Variants in GLIS3 observed in about 807,000 individuals in gnomAD.
GLIS3 encodes zinc finger protein GLIS3.
GLIS3 carries 53 observed loss-of-function variants against 78.6 expected under a neutral mutation model. The ratio of observed to expected loss-of-function variants is 0.67; its 90% CI spans 0.54 to 0.85. The LOEUF is 0.85. Ranked by LOEUF, GLIS3 falls within the 40% of genes least tolerant of loss-of-function variation. The pLI is 0.00. For missense variants in GLIS3, 1,703 were observed against 1,231.1 expected, an observed-to-expected ratio of 1.38 and a Z score of -5.74; for synonymous variants, 684 against 509.9, an observed-to-expected ratio of 1.34 and a Z score of -4.60.
chr9:4,478,046 C>T, the GLIS3 span, among the ~76,000 whole-genome samples: 3 of 152,110 alleles, frequency 2.0e-5, no homozygotes, highest in Non-Finnish European at 2.9e-5. Context: ...TTCCCATGAA[C>T]CGGAACCTGA....
intron 2 of GLIS3, among the ~76,000 whole-genome samples, chr9:4,343,121 T>C (rs932477200): frequency 2.0e-5 from 3 of 152,174 alleles, no homozygotes; most frequent in African/African-American, 4.8e-5. Context: ...GGAGGATCAC[T>C]TGAGCCCATG....
chr9:3,994,220 T>A (rs2129824739), intron 4 of GLIS3, among the ~76,000 whole-genome samples: 1 of 152,356 alleles, frequency 6.6e-6, no homozygotes, highest in East Asian at 1.9e-4. Flanking sequence ...TCTATGAAAC[T>A]GATGCAGCCG....
At chr9:4,133,874 A>ACACACACAC (rs768664577) in intron 2 of GLIS3, among the ~76,000 whole-genome samples, 5 of 123,918 alleles carry the variant, frequency 4.0e-5, no homozygotes, top group South Asian at 2.7e-4. Context: ...ACACACACAC[A>ACACACACAC]CCGTACATCT....
the GLIS3 span, among the ~76,000 whole-genome samples, chr9:4,371,285 G>C: frequency 7.4e-4 from 113 of 152,232 alleles, no homozygotes; most frequent in Non-Finnish European, 1.2e-3. Context: ...AGTAACCATA[G>C]TGCACTGTAG....
In GLIS3 at chr9:3,869,697, C is replaced by T. The variant is rs79168192; in HGVS notation, c.2297+9730G>A. Among the ~76,000 whole-genome samples, 33 of 152,324 alleles carry T rather than the reference C, an allele frequency of 2.2e-4. No individual in the cohort carries two copies. In the East Asian group the frequency reaches 5.0e-3, roughly 23 times the overall value. The stretch of plus-strand genomic sequence containing the variant: ...CCTCTTGCTTCTTAGGCATTCCCCT[C>T]ATTGGTCTTTTACCTTTCTCAAACC... On this transcript the variant is annotated intron_variant, in intron 8 of 10. Transcript: ENST00000381971.
intron 9 of GLIS3, among the ~76,000 whole-genome samples, chr9:3,833,621 A>G (rs528345639): frequency 6.6e-6 from 1 of 152,354 alleles, no homozygotes; most frequent in Non-Finnish European, 1.5e-5. Flanking sequence ...TGCTGAAACC[A>G]AAGAAATGTA....
rs1361766039 is a variant in GLIS3 at position 3,826,596 on chromosome 9, G to T, written c.*1676C>A. 1 of 152,114 alleles carries T rather than the reference G, an allele frequency of 6.6e-6. No individual in the cohort carries two copies. Among genetic ancestry groups the T allele is most frequent in the African/African-American group, 2.4e-5 (1 of 41,432 alleles). The allele number at this position is 152,114 out of a possible 1,614,324, so 9.4% of individuals were successfully genotyped here. The stretch of plus-strand genomic sequence containing the variant: ...CACTGTGAAAACAAAACCCACACTT[G>T]GTTCTTCATTCACCTCATTCTACTG... On this transcript the variant is annotated 3_prime_UTR_variant, in exon 11 of 11. Transcript: ENST00000381971.
chr9:4,472,510 G>A, the GLIS3 span, among the ~76,000 whole-genome samples: 1 of 144,398 alleles, frequency 6.9e-6, no homozygotes, highest in Non-Finnish European at 1.5e-5. Flanking sequence ...CACAAGGACA[G>A]AAAAACAAAC....
At chr9:4,230,166 A>G (rs1057149071) in intron 2 of GLIS3, among the ~76,000 whole-genome samples, 3 of 152,246 alleles carry the variant, frequency 2.0e-5, no homozygotes, top group Non-Finnish European at 4.4e-5. Context: ...ATCTAAACAC[A>G]TATTTTATAT....
chr9:4,406,330 T>G, the GLIS3 span, among the ~76,000 whole-genome samples: 1 of 152,220 alleles, frequency 6.6e-6, no homozygotes. Flanking sequence ...CTTTTTTTCT[T>G]GAGACAGAGT....
the GLIS3 span, among the ~76,000 whole-genome samples, chr9:4,416,252 TAAAAA>T: frequency 2.6e-5 from 2 of 75,838 alleles, no homozygotes; most frequent in Admixed American, 3.5e-4. Context: ...ACACTGTTTT[TAAAAA>T]AAAAAAAAAA....
At chr9:4,216,284 A>G (rs1820828261) in intron 2 of GLIS3, among the ~76,000 whole-genome samples, 1 of 151,930 alleles carries the variant, frequency 6.6e-6, no homozygotes. Flanking sequence ...CATCCTGGCT[A>G]ACATGGTGAA....
chr9:3,825,172 G>A lies in GLIS3; in HGVS notation c.*3100C>T, dbSNP rs1817661427. On this transcript the variant is annotated 3_prime_UTR_variant, in exon 11 of 11. Transcript: ENST00000381971. ...ACTGTGCTTGACGGCTGGTAATTTA[G>A]AAACAACTGAACAAAGCCAACACTC... 6.6e-6 allele frequency: 1 copy of A among 152,108 alleles called. No homozygotes were observed. The highest frequency in any genetic ancestry group is 2.1e-4 in the South Asian group (1 of 4,832). 9.4% of individuals were successfully genotyped at this position (152,108 alleles called of 1,614,324 possible).
the GLIS3 span, among the ~76,000 whole-genome samples, chr9:4,474,916 T>C: frequency 3.3e-5 from 5 of 151,744 alleles, no homozygotes; most frequent in Non-Finnish European, 7.4e-5. Context: ...CGCCCAGGCT[T>C]GCAAATATTT....
At chr9:4,076,653 C>G (rs902205177) in intron 4 of GLIS3, among the ~76,000 whole-genome samples, 14 of 152,174 alleles carry the variant, frequency 9.2e-5, no homozygotes, top group African/African-American at 3.4e-4. Flanking sequence ...TCCAGTCTTT[C>G]TTTAAAAATG....
At chr9:4,197,157 T>C (rs903974020) in intron 2 of GLIS3, among the ~76,000 whole-genome samples, 15 of 152,074 alleles carry the variant, frequency 9.9e-5, no homozygotes, top group African/African-American at 3.6e-4. Flanking sequence ...CTCTCTGTGC[T>C]CCACACACAG....
intron 4 of GLIS3, among the ~76,000 whole-genome samples, chr9:4,061,504 A>G (rs1826654377): frequency 6.6e-6 from 1 of 152,162 alleles, no homozygotes; most frequent in African/African-American, 2.4e-5. Flanking sequence ...ACATCACAAC[A>G]TAAGAAGAGA....
rs563057235 is a variant in GLIS3, at chr9:4,328,053, C to G, written n.265-17525G>C. Among the ~76,000 whole-genome samples, 3 of 152,344 alleles carry G rather than the reference C, an allele frequency of 2.0e-5. No individual in the cohort carries two copies. The East Asian group carries it at 5.8e-4, about 29-fold the overall frequency. Reference sequence around the variant, plus strand: ...GTGTTGTTCACTCTCCCACTCCTCACTGTTATTAGGGCTGGCAGAGCCCAG... The same window carrying G: ...GTGTTGTTCACTCTCCCACTCCTCAGTGTTATTAGGGCTGGCAGAGCCCAG... On this transcript the variant is annotated intron_variant and non_coding_transcript_variant, in intron 2 of 4. Transcript: ENST00000471664.
At chr9:3,923,788 G>A (rs1162746197) in intron 6 of GLIS3, among the ~76,000 whole-genome samples, 1 of 152,170 alleles carries the variant, frequency 6.6e-6, no homozygotes. Flanking sequence ...ATATAATGCT[G>A]ATGGGCTATA....
Sources: allele counts gnomAD v4.1 joint callset (sites outside exome capture counted in the v4.1 genomes callset), GRCh38; gene constraint gnomAD v4.1.1; transcripts MANE v1.5; gene names NCBI Gene and HGNC (gene_info 2026-07-23, HGNC 2026-07-21).